Variants in CYP2J2 observed in about 807,000 individuals in gnomAD.
The protein encoded by CYP2J2 is cytochrome P450 2J2.
A neutral mutation model predicts 48.8 loss-of-function variants in CYP2J2; 41 were observed. The ratio of observed to expected loss-of-function variants is 0.84; its 90% CI spans 0.66 to 1.09. The LOEUF is 1.09. CYP2J2 is among the 50% of genes least tolerant of loss of function. The pLI is 0.00. For missense variants in CYP2J2, 644 were observed against 617.3 expected, an observed-to-expected ratio of 1.04 and a Z score of -0.46; for synonymous variants, 221 against 227.1, an observed-to-expected ratio of 0.97 and a Z score of 0.24.
At chr1:59,934,265 G>C in the CYP2J2 span, among the ~76,000 whole-genome samples, 2 of 152,024 alleles carry the variant, frequency 1.3e-5, no homozygotes, top group African/African-American at 4.8e-5. Flanking sequence ...AACATATGAC[G>C]TGAAACCCTA....
chr1:59,921,840 G>T (rs565944922), intron 1 of CYP2J2, among the ~76,000 whole-genome samples: 1 of 152,132 alleles, frequency 6.6e-6, no homozygotes, highest in South Asian at 2.1e-4. Flanking sequence ...CTGTTCTAAG[G>T]CTCTGTTAGA....
At chr1:59,917,695 T>C (rs1385959180) in intron 1 of CYP2J2, among the ~76,000 whole-genome samples, 1 of 152,142 alleles carries the variant, frequency 6.6e-6, no homozygotes, top group Non-Finnish European at 1.5e-5. Context: ...TATCTGCAAA[T>C]GTAGGTTGGA....
At chr1:59,951,927 C>T in the CYP2J2 span, among the ~76,000 whole-genome samples, 1 of 152,190 alleles carries the variant, frequency 6.6e-6, no homozygotes, top group South Asian at 2.1e-4. Flanking sequence ...ACCCCACTTC[C>T]CATCTCTGTC....
At chr1:59,951,584 G>A in the CYP2J2 span, among the ~76,000 whole-genome samples, 1 of 152,112 alleles carries the variant, frequency 6.6e-6, no homozygotes, top group East Asian at 1.9e-4. Flanking sequence ...ATCATATAGT[G>A]TAAGACCAGT....
intron 8 of CYP2J2, among the ~76,000 whole-genome samples, chr1:59,898,586 A>T (rs754389561): frequency 6.6e-6 from 1 of 152,234 alleles, no homozygotes; most frequent in Non-Finnish European, 1.5e-5. Flanking sequence ...TAACTGATGC[A>T]TATGTTATGA....
chr1:59,927,284 C>A (rs561602119), upstream of CYP2J2, among the ~76,000 whole-genome samples: 4 of 152,266 alleles, frequency 2.6e-5, no homozygotes, highest in East Asian at 7.7e-4. Context: ...TTGAAAGTGT[C>A]TGGAAGATTA....
chr1:59,912,107 TG>T, intron 3 of CYP2J2, 54 bp downstream of exon 3: 1 of 1,544,726 alleles, frequency 6.5e-7, no homozygotes, highest in South Asian at 1.3e-5. Flanking sequence ...AGTAAGTATC[TG>T]TCCAATGAAC....
At chr1:59,951,947 A>G in the CYP2J2 span, among the ~76,000 whole-genome samples, 2 of 152,168 alleles carry the variant, frequency 1.3e-5, no homozygotes, top group Non-Finnish European at 2.9e-5. Flanking sequence ...CATCGAAACT[A>G]TGGCTTTGAC....
Position 59,893,469 on chromosome 1 carries a change from A to C in CYP2J2, c.*182T>G, listed in dbSNP as rs1644240962. 6.1e-6 allele frequency: 3 copies of C among 491,896 alleles called. No homozygotes were observed. The Admixed American group carries it at 9.3e-5, about 15-fold the overall frequency. 30.5% of individuals were successfully genotyped at this position (491,896 alleles called of 1,614,324 possible). The stretch of plus-strand genomic sequence containing the variant: ...TATTTAGCATATAAATGATTTTCCC[A>C]AGGCTAATTCGGACGAGACAGTAGA... On this transcript the variant is annotated 3_prime_UTR_variant, in exon 9 of 9. Transcript: ENST00000371204.
chr1:59,911,657 A>G lies in CYP2J2; in HGVS notation c.635T>C (p.Leu212Pro). The change falls in exon 4 of 9, where the codon CTG becomes CCG. Residue 212 changes from leucine to proline, a missense_variant. By Grantham distance (98) the Leu-to-Pro change is moderately conservative. Coordinates refer to ENST00000371204, the MANE Select transcript of CYP2J2 (RefSeq NM_000775.4). ...GTATGTGACTTCATCTAGTAACTTC[A>G]GCAGCTGCTGAAACCAACTATCCTG... ...EYQDSWFQQL[L>P]KLLDEVTYLE... The G allele has an allele frequency of 1.2e-6, 2 of 1,613,470 alleles. No individual in the cohort carries two copies. The highest frequency in any genetic ancestry group is 1.7e-6 in the Non-Finnish European group (2 of 1,179,544).
chr1:59,957,716 CCA>C, the CYP2J2 span, among the ~76,000 whole-genome samples: 3 of 150,408 alleles, frequency 2.0e-5, no homozygotes, highest in Non-Finnish European at 3.0e-5. Flanking sequence ...CACACACACA[CCA>C]CACACACATG....
intron 4 of CYP2J2, among the ~76,000 whole-genome samples, chr1:59,910,196 A>G (rs1056822886): frequency 2.0e-5 from 3 of 152,180 alleles, no homozygotes; most frequent in African/African-American, 7.2e-5. Flanking sequence ...ACCAAAAAAA[A>G]ATACTTATGA....
intron 1 of CYP2J2, among the ~76,000 whole-genome samples, chr1:59,925,725 A>G (rs752102433): frequency 7.2e-5 from 11 of 152,226 alleles, no homozygotes; most frequent in Non-Finnish European, 1.6e-4. Flanking sequence ...AAAGTACTGC[A>G]GGCATGTGCA....
intron 8 of CYP2J2, among the ~76,000 whole-genome samples, chr1:59,894,103 G>A (rs565296278): frequency 9.2e-5 from 14 of 152,234 alleles, no homozygotes; most frequent in East Asian, 3.9e-4. Context: ...CCATAGAAGC[G>A]GAAGGCGTGG....
At chr1:59,901,134 C>T (rs1406141997) in intron 7 of CYP2J2, 31 bp from the exon 8 acceptor site, 5 of 1,603,900 alleles carry the variant, frequency 3.1e-6, no homozygotes, top group African/African-American at 1.3e-5. Context: ...TCAGGCAAGG[C>T]TTGACCCATG....
At chr1:59,903,767 G>A (rs576140212) in intron 7 of CYP2J2, among the ~76,000 whole-genome samples, 6 of 152,316 alleles carry the variant, frequency 3.9e-5, no homozygotes, top group African/African-American at 1.4e-4. Context: ...TAAAATCAAT[G>A]TAAAGCAAGT....
the CYP2J2 span, among the ~76,000 whole-genome samples, chr1:59,950,539 C>T: frequency 6.6e-6 from 1 of 152,200 alleles, no homozygotes; most frequent in East Asian, 1.9e-4. Flanking sequence ...GCTAACCAAA[C>T]TCTGCCATCT....
At chr1:59,969,131 CAA>C in the CYP2J2 span, among the ~76,000 whole-genome samples, 79 of 152,266 alleles carry the variant, frequency 5.2e-4, 1 homozygote, top group South Asian at 0.015. Flanking sequence ...AGTGTGGACC[CAA>C]AGAGTTAGCA....
At chr1:59,962,357 G>A in the CYP2J2 span, among the ~76,000 whole-genome samples, 2 of 152,154 alleles carry the variant, frequency 1.3e-5, no homozygotes, top group African/African-American at 4.8e-5. Flanking sequence ...CAGGATGGCA[G>A]CCATGTAGCC....
Sources: gnomAD v4.1 joint callset for allele counts (sites outside exome capture counted in the v4.1 genomes callset) on GRCh38, gnomAD v4.1.1 for gene constraint, MANE v1.5 for transcripts, NCBI Gene and HGNC (gene_info 2026-07-23, HGNC 2026-07-21) for gene names.